SLC5A4: variants seen among roughly 807,000 people sequenced by gnomAD.
The protein encoded by SLC5A4 is probable glucose sensor protein SLC5A4.
In SLC5A4, 55 loss-of-function variants were observed where a neutral mutation model predicts 70.3. The observed-to-expected ratio is 0.78, with a 90% CI of 0.63 to 0.98. The LOEUF (loss-of-function observed/expected upper bound fraction) is 0.98, where lower values mean the gene tolerates loss of function less well. Ranked by LOEUF, SLC5A4 falls within the 50% of genes least tolerant of loss-of-function variation. The pLI, the probability that SLC5A4 is intolerant of heterozygous loss-of-function variation, is 0.00. For missense variants in SLC5A4, 735 were observed against 839.2 expected, an observed-to-expected ratio of 0.88 and a Z score of 1.53; for synonymous variants, 268 against 305.7, an observed-to-expected ratio of 0.88 and a Z score of 1.29.
At chr22:32,313,778 A>G in the SLC5A4 span, among the ~76,000 whole-genome samples, 1 of 151,868 alleles carries the variant, frequency 6.6e-6, no homozygotes, top group African/African-American at 2.4e-5. Flanking sequence ...AGTCTGGCCA[A>G]TGTCATGTAA....
chr22:32,218,540 C>T lies in SLC5A4; in HGVS notation c.1954G>A (p.Val652Ile), dbSNP rs1924858202. The T allele has an allele frequency of 1.2e-6, 2 of 1,609,692 alleles. No individual in the cohort carries two copies. Among genetic ancestry groups the T allele is most frequent in the South Asian group, 1.1e-5 (1 of 90,948 alleles). Residue 652 changes from valine to isoleucine, a missense_variant, in exon 15 of 15, where the codon GTC becomes ATC. Coordinates refer to ENST00000266086, the MANE Select transcript of SLC5A4 (RefSeq NM_014227.3). ...CAGGCATAGTAGCCGTGAATAAAGACCACCACAGCCAGGAGGAGGATGGCG... is the reference window on the plus strand; with the variant it reads ...CAGGCATAGTAGCCGTGAATAAAGATCACCACAGCCAGGAGGAGGATGGCG... ...INAILLLAVV[V>I]FIHGYYA is the part of the protein sequence containing the mutation.
At chr22:32,345,436 A>G in the SLC5A4 span, among the ~76,000 whole-genome samples, 1 of 152,320 alleles carries the variant, frequency 6.6e-6, no homozygotes, top group Non-Finnish European at 1.5e-5. Context: ...TTTCTGTTCA[A>G]TTGATTTCTT....
rs542307174 is a variant in SLC5A4 at position 32,229,111 on chromosome 22, A to C, written c.1280+83T>G. ...CCAGATGCTATGATTACTTTCACCA[A>C]AGCCAAAGACAAGGGAACTCTAGTT... is the stretch of plus-strand genomic sequence containing the variant. On this transcript the variant is annotated intron_variant, in intron 11 of 14. Coordinates refer to ENST00000266086, the MANE Select transcript of SLC5A4 (RefSeq NM_014227.3). 49 of 1,333,100 alleles carry C rather than the reference A, an allele frequency of 3.7e-5. 2 individuals are homozygous for C. The South Asian group carries it at 7.3e-4, about 20-fold the overall frequency. The allele number at this position is 1,333,100 out of a possible 1,614,324, so 82.6% of individuals were successfully genotyped here. A position where few individuals can be genotyped will look rare whatever the true frequency, so the allele number is the denominator to read the frequency against.
At chr22:32,236,828 T>G (rs1178560060) in intron 7 of SLC5A4, among the ~76,000 whole-genome samples, 2 of 151,722 alleles carry the variant, frequency 1.3e-5, no homozygotes, top group Non-Finnish European at 2.9e-5. Context: ...CCTCAGCCTC[T>G]TGAGTAGCTG....
chr22:32,248,655 A>G, intron 4 of SLC5A4, 88 bp downstream of exon 4: 1 of 947,590 alleles, frequency 1.1e-6, no homozygotes, highest in Non-Finnish European at 1.7e-6. Context: ...TTTTCCTGGC[A>G]ATACTCATTG....
the SLC5A4 span, among the ~76,000 whole-genome samples, chr22:32,338,071 A>G: frequency 6.6e-6 from 1 of 152,220 alleles, no homozygotes; most frequent in Non-Finnish European, 1.5e-5. Flanking sequence ...AATGCAAATT[A>G]GGAAAAATAC....
At chr22:32,288,057 T>C in the SLC5A4 span, among the ~76,000 whole-genome samples, 39 of 150,856 alleles carry the variant, frequency 2.6e-4, no homozygotes, top group Admixed American at 7.3e-4. Context: ...ACCATATTGG[T>C]CAGGCTGGTC....
chr22:32,304,170 G>A, the SLC5A4 span, among the ~76,000 whole-genome samples: 12 of 151,980 alleles, frequency 7.9e-5, no homozygotes, highest in Non-Finnish European at 1.6e-4. Context: ...TCTGTCATCC[G>A]GGGTGGAGTG....
At position 32,224,521 on chromosome 22, in the gene SLC5A4, A is replaced by G. The variant is rs570038736; in HGVS notation, c.1450-39T>C. On this transcript the variant is annotated intron_variant, in intron 12 of 14. Coordinates refer to ENST00000266086, the MANE Select transcript of SLC5A4 (RefSeq NM_014227.3). ...AAGAAGAAAATCAGAATGTTTAGAA[A>G]ATATGAGAAGCTTATTCAAGTAAGT... 2.7e-6 allele frequency: 4 copies of G among 1,488,648 alleles called. No homozygotes were observed. The East Asian group carries it at 9.0e-5, about 34-fold the overall frequency. 92.2% of individuals were successfully genotyped at this position (1,488,648 alleles called of 1,614,324 possible).
chr22:32,298,856 A>T, the SLC5A4 span, among the ~76,000 whole-genome samples: 1 of 110,726 alleles, frequency 9.0e-6, no homozygotes, highest in Non-Finnish European at 1.9e-5. Flanking sequence ...CCTGGTGGTG[A>T]CAAAATCTCT....
In SLC5A4 at chr22:32,247,401, C is replaced by G; in HGVS notation, c.477+10G>C. On this transcript the variant is annotated intron_variant, in intron 5 of 14. Coordinates refer to ENST00000266086, the MANE Select transcript of SLC5A4 (RefSeq NM_014227.3). ...CTTGAAGCTAAAATGCCAGGAGGCT[C>G]TGAACTCACAGAAATTAACAAAACC... 1 of 1,577,208 alleles carries G rather than the reference C, an allele frequency of 6.3e-7. No homozygotes were observed. The highest frequency in any genetic ancestry group is 8.7e-7 in the Non-Finnish European group (1 of 1,146,322).
At chr22:32,335,649 G>T in the SLC5A4 span, among the ~76,000 whole-genome samples, 2 of 152,192 alleles carry the variant, frequency 1.3e-5, no homozygotes, top group Admixed American at 6.5e-5. Context: ...CACGGAGTCC[G>T]GTCCAAGCCC....
chr22:32,271,138 G>T, the SLC5A4 span: 7 of 657,840 alleles, frequency 1.1e-5, no homozygotes, highest in South Asian at 9.7e-5. Flanking sequence ...CTTCCAGACA[G>T]AGCCCATCCA....
At chr22:32,307,753 G>A in the SLC5A4 span, among the ~76,000 whole-genome samples, 15 of 152,214 alleles carry the variant, frequency 9.9e-5, no homozygotes, top group African/African-American at 2.7e-4. Context: ...CTTGTCTTCC[G>A]GAGGGGACAG....
the SLC5A4 span, among the ~76,000 whole-genome samples, chr22:32,312,460 G>C: frequency 6.6e-6 from 1 of 152,094 alleles, no homozygotes; most frequent in Non-Finnish European, 1.5e-5. Context: ...GGAAGCTTCG[G>C]TTTTCAACCA....
At chr22:32,269,976 C>A in the SLC5A4 span, 2 of 518,418 alleles carry the variant, frequency 3.9e-6, no homozygotes, top group South Asian at 1.6e-5. This position sits in a 1 kb window ranked among gnomAD's most constrained non-coding sequence, Gnocchi z 4.1. Flanking sequence ...CTTGCCTGGG[C>A]AACTCTCTCC....
the SLC5A4 span, among the ~76,000 whole-genome samples, chr22:32,322,203 C>G: frequency 6.6e-6 from 1 of 152,164 alleles, no homozygotes; most frequent in South Asian, 2.1e-4. Context: ...CTGAGAACAT[C>G]ACACAAGGCA....
chr22:32,324,632 C>G, the SLC5A4 span, among the ~76,000 whole-genome samples: 25 of 152,240 alleles, frequency 1.6e-4, no homozygotes. Flanking sequence ...CCCTGTACCA[C>G]ACAGCACCGT....
intron 13 of SLC5A4, among the ~76,000 whole-genome samples, chr22:32,222,080 T>TATCTATCATATATCTTTA (rs1925124796): frequency 6.6e-6 from 1 of 152,248 alleles, no homozygotes; most frequent in Non-Finnish European, 1.5e-5. Flanking sequence ...TAAACCTTTA[T>TATCTATCATATATCTTTA]AATCTATCAT....
Sources: allele counts gnomAD v4.1 joint callset (sites outside exome capture counted in the v4.1 genomes callset), GRCh38; gene constraint gnomAD v4.1.1; non-coding constraint Gnocchi (gnomAD v3.1); transcripts MANE v1.5; gene names NCBI Gene and HGNC (gene_info 2026-07-23, HGNC 2026-07-21).